The following CCDC33 variants were observed in gnomAD, a reference collection of about 807,000 sequenced individuals.
CCDC33 encodes coiled-coil domain-containing protein 33.
In CCDC33, 94 loss-of-function variants were observed where a neutral mutation model predicts 91.9. The observed-to-expected ratio is 1.02, with a 90% CI of 0.87 to 1.21. The LOEUF (loss-of-function observed/expected upper bound fraction) is 1.21, where lower values mean the gene tolerates loss of function less well. Ranked by LOEUF, CCDC33 falls within the 50% of genes most tolerant of loss-of-function variation. CCDC33 has a pLI of 0.00. For missense variants in CCDC33, 940 were observed against 935.5 expected, an observed-to-expected ratio of 1.00 and a Z score of -0.06; for synonymous variants, 396 against 374.5, an observed-to-expected ratio of 1.06 and a Z score of -0.66.
At chr15:74,219,698 C>G (rs1022549332) in intron 2 of CCDC33, among the ~76,000 whole-genome samples, 1 of 152,186 alleles carries the variant, frequency 6.6e-6, no homozygotes, top group African/African-American at 2.4e-5. Flanking sequence ...TCTTCCCATT[C>G]ATTCCTTCAT....
upstream of CCDC33, among the ~76,000 whole-genome samples, chr15:74,235,309 G>A (rs1440536214): frequency 1.3e-5 from 2 of 152,158 alleles, no homozygotes; most frequent in African/African-American, 4.8e-5. Context: ...TCTAAACTGG[G>A]GAGAACCACA....
chr15:74,220,563 C>T (rs1340871428), intron 2 of CCDC33, among the ~76,000 whole-genome samples: 2 of 152,074 alleles, frequency 1.3e-5, no homozygotes, highest in African/African-American at 4.8e-5. Flanking sequence ...GCCACGTGGA[C>T]GATGCTCTTC....
chr15:74,218,375 C>T lies in CCDC33; in HGVS notation c.311-122C>T, dbSNP rs1005563327. The T allele has an allele frequency of 6.3e-5, 66 of 1,049,106 alleles. No individual in the cohort carries two copies. The highest frequency in any genetic ancestry group is 7.2e-5 in the Non-Finnish European group (58 of 810,966). 65.0% of individuals were successfully genotyped at this position (1,049,106 alleles called of 1,614,324 possible). ...ACCAGGGAAATCTTAGCCAAGACTG[C>T]TTGGCTTTGACTCAAAGTCTGGGCA... On this transcript the variant is annotated intron_variant, in intron 1 of 2. Transcript: ENST00000635913. The surrounding 1 kb of genome is among the most constrained non-coding windows in gnomAD (Gnocchi z 4.8).
At chr15:74,317,671 TGCTA>T (rs2060116564) in intron 11 of CCDC33, among the ~76,000 whole-genome samples, 1 of 152,204 alleles carries the variant, frequency 6.6e-6, no homozygotes, top group Admixed American at 6.5e-5. Context: ...GTCAGCATCT[TGCTA>T]GGTCCAGGTG....
At chr15:74,330,506 C>T (rs2060408599) in intron 12 of CCDC33, 152 bp downstream of exon 12, 1 of 1,127,946 alleles carries the variant, frequency 8.9e-7, no homozygotes, top group South Asian at 1.5e-5. Context: ...CTCACACAGT[C>T]CCTGCCCAGC....
rs1312917562 is a variant in CCDC33, at chr15:74,218,496, G to C, written c.311-1G>C. 1 of 1,279,948 alleles carries C rather than the reference G, an allele frequency of 7.8e-7. No individual in the cohort carries two copies. Among genetic ancestry groups the C allele is most frequent in the Non-Finnish European group, 1.0e-6 (1 of 983,426 alleles). The allele number at this position is 1,279,948 out of a possible 1,614,324, so 79.3% of individuals were successfully genotyped here. ...TCTGAGCCCTGTGTTCCCTCATCCA[G>C]GTTTCTGCAAGAATGACGGGCAGCA... On this transcript the variant is annotated splice_acceptor_variant, in intron 1 of 2. Coordinates refer to the CCDC33 transcript ENST00000635913. LOFTEE classifies it high-confidence loss of function. The surrounding 1 kb of genome is among the most constrained non-coding windows in gnomAD (Gnocchi z 4.8).
intron 11 of CCDC33, among the ~76,000 whole-genome samples, chr15:74,304,795 T>C (rs1315646756): frequency 6.6e-6 from 1 of 152,060 alleles, no homozygotes; most frequent in Non-Finnish European, 1.5e-5. Context: ...GTACCTAAGC[T>C]GATTTAGAGG....
At chr15:74,308,604 G>T (rs942158016) in intron 11 of CCDC33, among the ~76,000 whole-genome samples, 4 of 152,172 alleles carry the variant, frequency 2.6e-5, no homozygotes, top group African/African-American at 9.7e-5. Flanking sequence ...CAAGGAGGGG[G>T]GACAGCGTTG....
intron 2 of CCDC33, among the ~76,000 whole-genome samples, chr15:74,252,756 A>T (rs1202375136): frequency 6.6e-6 from 1 of 152,178 alleles, no homozygotes; most frequent in Non-Finnish European, 1.5e-5. Flanking sequence ...GCCTGGGGTG[A>T]GGCCTGGGAA....
intron 10 of CCDC33, among the ~76,000 whole-genome samples, chr15:74,291,298 C>T (rs1184762304): frequency 6.6e-6 from 1 of 152,256 alleles, no homozygotes; most frequent in Non-Finnish European, 1.5e-5. Context: ...CAGGAAATGA[C>T]AAAGCAGTGA....
chr15:74,335,412 C>G, intron 18 of CCDC33: 1 of 570,990 alleles, frequency 1.8e-6, no homozygotes, highest in East Asian at 2.9e-5. Context: ...TTAGGACTGG[C>G]TGCGCTCATG....
rs1004632241 is a variant in CCDC33, at chr15:74,249,710, T to C, written c.185+5562T>C. Among the ~76,000 whole-genome samples, 15 of 152,280 alleles carry C rather than the reference T, an allele frequency of 9.9e-5. No homozygotes were observed. The East Asian group carries it at 2.9e-3, about 29-fold the overall frequency. On this transcript the variant is annotated intron_variant, in intron 2 of 18. Coordinates refer to ENST00000398814, the MANE Select transcript of CCDC33 (RefSeq NM_025055.5). Reference sequence around the variant, plus strand: ...GACCCGTGCACTAGGGGTAAATTGCTTATTGAAACTGTGCTGGGTGTGCCT... The same window carrying C: ...GACCCGTGCACTAGGGGTAAATTGCCTATTGAAACTGTGCTGGGTGTGCCT...
intron 11 of CCDC33, among the ~76,000 whole-genome samples, chr15:74,305,225 G>A (rs2059871758): frequency 6.6e-6 from 1 of 152,184 alleles, no homozygotes; most frequent in Admixed American, 6.5e-5. Flanking sequence ...GGGATTACAG[G>A]CGTGAGCCAC....
chr15:74,315,700 C>A (rs552981094), intron 11 of CCDC33, among the ~76,000 whole-genome samples: 26 of 152,326 alleles, frequency 1.7e-4, no homozygotes, highest in Admixed American at 1.2e-3. Flanking sequence ...GGGAAGGCGA[C>A]TCTGTCCTGT....
At chr15:74,288,123 G>A (rs1053137633) in intron 10 of CCDC33, among the ~76,000 whole-genome samples, 9 of 151,992 alleles carry the variant, frequency 5.9e-5, no homozygotes, top group Non-Finnish European at 8.8e-5. Flanking sequence ...GTCATTTCCC[G>A]ACAGAGAGTT....
chr15:74,231,712 C>T (rs1368080781), upstream of CCDC33, among the ~76,000 whole-genome samples: 2 of 152,170 alleles, frequency 1.3e-5, no homozygotes, highest in Admixed American at 1.3e-4. Flanking sequence ...GCATTTGTGT[C>T]CTCACCTTAA....
At chr15:74,249,301 A>G (rs923568909) in intron 2 of CCDC33, among the ~76,000 whole-genome samples, 3 of 151,934 alleles carry the variant, frequency 2.0e-5, no homozygotes, top group Non-Finnish European at 4.4e-5. Context: ...CCTAGCTAAC[A>G]CAGTGAAACC....
intron 18 of CCDC33, chr15:74,335,568 GT>G: frequency 3.0e-6 from 1 of 335,844 alleles, no homozygotes; most frequent in Non-Finnish European, 5.5e-6. Context: ...TGCCCCTCAA[GT>G]TCAACCCCGG....
intron 2 of CCDC33, among the ~76,000 whole-genome samples, chr15:74,223,278 T>C (rs2074667459): frequency 6.6e-6 from 1 of 152,114 alleles, no homozygotes; most frequent in Non-Finnish European, 1.5e-5. Flanking sequence ...AGAGAGGCTC[T>C]AGAAAGCAAT....
Sources: gnomAD v4.1 joint callset for allele counts (sites outside exome capture counted in the v4.1 genomes callset) on GRCh38, gnomAD v4.1.1 for gene constraint, Gnocchi (gnomAD v3.1) non-coding constraint, MANE v1.5 for transcripts, NCBI Gene and HGNC (gene_info 2026-07-23, HGNC 2026-07-21) for gene names.